The following PCID2 variants were observed in gnomAD, a reference collection of about 807,000 sequenced individuals.
The protein encoded by PCID2 is PCI domain containing 2.
A neutral mutation model predicts 61.3 loss-of-function variants in PCID2; 41 were observed. The observed-to-expected ratio is 0.67, with a 90% CI of 0.52 to 0.87. The LOEUF is 0.87. PCID2 is among the 40% of genes least tolerant of loss of function. The pLI is 0.00. For synonymous variants in PCID2, 187 were observed against 177.8 expected (o/e 1.05, Z -0.41); for missense variants, 392 against 493.4 (o/e 0.79, Z 1.95).
intron 7 of PCID2, among the ~76,000 whole-genome samples, chr13:113,190,139 C>T (rs2038483967): frequency 6.6e-6 from 1 of 150,874 alleles, no homozygotes; most frequent in South Asian, 2.1e-4. Flanking sequence ...AAAAATGGGG[C>T]CAAAAGTAGT....
intron 7 of PCID2, chr13:113,187,159 T>C (rs1266554266): frequency 2.0e-5 from 3 of 152,178 alleles, no homozygotes; most frequent in Non-Finnish European, 4.4e-5. Flanking sequence ...CAAAGAGCTA[T>C]GGAAAAACCA....
chr13:113,194,470 A>G (rs1595223948), intron 6 of PCID2, among the ~76,000 whole-genome samples: 1 of 152,008 alleles, frequency 6.6e-6, no homozygotes. Flanking sequence ...CGGCCTGACA[A>G]CTCCCAGGGT....
At chr13:113,202,340 C>A (rs1566983013) in intron 1 of PCID2, among the ~76,000 whole-genome samples, 1 of 152,176 alleles carries the variant, frequency 6.6e-6, no homozygotes, top group Non-Finnish European at 1.5e-5. Context: ...AATTTCCCCC[C>A]TGACTATTCC....
intron 1 of PCID2, among the ~76,000 whole-genome samples, chr13:113,207,121 C>G (rs1195074325): frequency 6.6e-6 from 1 of 152,222 alleles, no homozygotes; most frequent in Non-Finnish European, 1.5e-5. Flanking sequence ...AGGCTTCACT[C>G]TAATACATCG....
At position 113,182,297 on chromosome 13, in the gene PCID2, T is replaced by C. The variant is rs1000633939; in HGVS notation, c.686-1067A>G. 2.0e-4 allele frequency among the ~76,000 whole-genome samples: 30 copies of C among 152,284 alleles called. No individual in the cohort carries two copies. In the East Asian group the frequency reaches 5.0e-3, roughly 25 times the overall value. ...AGTCTTGCACAGTGAGCGTGAATGC[T>C]GTGGGGCCAGCGTCTCTTCCAAACC... On this transcript the variant is annotated intron_variant, in intron 9 of 13. Transcript: ENST00000337344.
rs776241425 is a variant in PCID2 at position 113,179,611 on chromosome 13, C to T, written c.986+306G>A. ...AGCACTAAGGGAGGGGAGTGAGTGG[C>T]GAGTCCTGTGTGCTCTGATGAAATG... On this transcript the variant is annotated intron_variant, in intron 12 of 13. Transcript: ENST00000337344. This position sits in a 1 kb window ranked among gnomAD's most constrained non-coding sequence, Gnocchi z 4.3. 2.6e-5 allele frequency among the ~76,000 whole-genome samples: 4 copies of T among 152,090 alleles called. No homozygotes were observed. The highest frequency in any genetic ancestry group is 5.9e-5 in the Non-Finnish European group (4 of 68,012).
At position 113,183,892 on chromosome 13, in the gene PCID2, C is replaced by T. The variant is rs555634513; in HGVS notation, c.685+454G>A. The T allele has an allele frequency of 2.1e-4, 211 of 985,436 alleles. No homozygotes were observed. The African/African-American group carries it at 3.2e-3, about 15-fold the overall frequency. 61.0% of individuals were successfully genotyped at this position (985,436 alleles called of 1,614,324 possible). On this transcript the variant is annotated intron_variant, in intron 9 of 13. Transcript: ENST00000337344. ...GACACACTGCACGAGGCTGTTTAAA[C>T]GAGAGCTTTGACACCAGGTCCAAGG...
intron 8 of PCID2, among the ~76,000 whole-genome samples, chr13:113,185,224 C>A (rs1023266685): frequency 2.6e-5 from 4 of 152,234 alleles, no homozygotes; most frequent in Non-Finnish European, 4.4e-5. Context: ...CTGCTTCACA[C>A]ACAGGGGCCT....
intron 7 of PCID2, among the ~76,000 whole-genome samples, chr13:113,188,842 G>A (rs2138769306): frequency 6.6e-6 from 1 of 152,236 alleles, no homozygotes; most frequent in East Asian, 1.9e-4. Context: ...TCATGGATGG[G>A]ATCCACAACA....
intron 1 of PCID2, among the ~76,000 whole-genome samples, chr13:113,201,434 G>A (rs1194632003): frequency 6.6e-6 from 1 of 152,102 alleles, no homozygotes; most frequent in African/African-American, 2.4e-5. Flanking sequence ...GAGACTAGGA[G>A]ACCCGGGAGC....
rs57820999 is a variant in PCID2 at position 113,190,230 on chromosome 13, T to TA, written c.467+641dup. Among the ~76,000 whole-genome samples, 2,217 of 129,532 alleles carry TA rather than the reference T, an allele frequency of 0.017. 139 individuals carry two copies. In the East Asian group the frequency reaches 0.21, roughly 12 times the overall value. 85.0% of individuals were successfully genotyped at this position (129,532 alleles called of 152,430 possible). On this transcript the variant is annotated intron_variant, in intron 7 of 13. Coordinates refer to ENST00000337344, the MANE Select transcript of PCID2 (RefSeq NM_001127202.4). ...CCAATGAACCCTAAACAGAAGAAATTAAAAAAAAAAAAAAAAACCAACTAT... is the reference window on the plus strand; with the variant it reads ...CCAATGAACCCTAAACAGAAGAAATTAAAAAAAAAAAAAAAAAACCAACTAT...
At chr13:113,193,285 A>C (rs140536530) in intron 6 of PCID2, among the ~76,000 whole-genome samples, 2 of 152,336 alleles carry the variant, frequency 1.3e-5, no homozygotes, top group East Asian at 3.9e-4. Context: ...TTTAAAAAAA[A>C]AAAACTGCCT....
At chr13:113,170,494 T>C in the PCID2 span, 1 of 1,603,432 alleles carries the variant, frequency 6.2e-7, no homozygotes, top group Non-Finnish European at 8.5e-7. Context: ...AACAGCAAAA[T>C]GTTCACTGTT....
chr13:113,178,413 G>C (rs957725711), intron 13 of PCID2, 126 bp from the exon 14 acceptor site: 3 of 627,734 alleles, frequency 4.8e-6, no homozygotes, highest in African/African-American at 1.8e-5. Flanking sequence ...AGTTCAGCGG[G>C]AAGACAATGA....
At chr13:113,181,700 T>G (rs1340562611) in intron 9 of PCID2, among the ~76,000 whole-genome samples, 1 of 152,246 alleles carries the variant, frequency 6.6e-6, no homozygotes, top group Non-Finnish European at 1.5e-5. Flanking sequence ...ATCATATATC[T>G]TCCATTTTAA....
intron 5 of PCID2, among the ~76,000 whole-genome samples, chr13:113,195,697 G>A (rs1453550142): frequency 1.3e-5 from 2 of 151,814 alleles, no homozygotes; most frequent in African/African-American, 4.8e-5. Flanking sequence ...GGGCGGGTTT[G>A]TTTGCAAAAG....
At chr13:113,168,121 A>T in the PCID2 span, among the ~76,000 whole-genome samples, 3 of 152,210 alleles carry the variant, frequency 2.0e-5, no homozygotes, top group African/African-American at 7.2e-5. Flanking sequence ...AGATGTTATA[A>T]ATGCCACTCT....
At chr13:113,171,787 C>T in the PCID2 span, 4 of 1,613,350 alleles carry the variant, frequency 2.5e-6, no homozygotes, top group Non-Finnish European at 2.5e-6. The surrounding 1 kb of genome is among the most constrained non-coding windows in gnomAD (Gnocchi z 5.1). Context: ...TCATCCCACG[C>T]ACCAGGGGCC....
chr13:113,176,288 G>A (rs926483973), downstream of PCID2, among the ~76,000 whole-genome samples: 5 of 152,240 alleles, frequency 3.3e-5, no homozygotes, highest in African/African-American at 9.6e-5. Flanking sequence ...TTTTATAAAC[G>A]GGGAAATGTG....
Sources: allele counts gnomAD v4.1 joint callset (sites outside exome capture counted in the v4.1 genomes callset), GRCh38; gene constraint gnomAD v4.1.1; non-coding constraint Gnocchi (gnomAD v3.1); transcripts MANE v1.5; gene names NCBI Gene and HGNC (gene_info 2026-07-23, HGNC 2026-07-21).